SLC39A11: variants seen among roughly 807,000 people sequenced by gnomAD.
The protein encoded by SLC39A11 is solute carrier family 39 member 11.
Under a neutral mutation model 36.1 loss-of-function variants are expected in SLC39A11, and 33 were observed. The ratio of observed to expected loss-of-function variants is 0.91; its 90% CI spans 0.69 to 1.22. The LOEUF is 1.22. Among genes scored for constraint, SLC39A11 ranks in the 50% most tolerant of loss-of-function variants. SLC39A11 has a pLI of 0.00. For synonymous variants in SLC39A11, 166 were observed against 170.3 expected (o/e 0.97, Z 0.20); for missense variants, 432 against 430.3 (o/e 1.00, Z -0.03).
At chr17:72,812,328 C>T (rs1226344695) in intron 6 of SLC39A11, among the ~76,000 whole-genome samples, 1 of 152,058 alleles carries the variant, frequency 6.6e-6, no homozygotes, top group Admixed American at 6.6e-5. Context: ...ACTGCTGTAT[C>T]CTAGACATTT....
rs949522465 is a variant in SLC39A11, at chr17:72,923,660, C to T, written c.430+24092G>A. On this transcript the variant is annotated intron_variant, in intron 5 of 9. Transcript: ENST00000255559. ...AATGTGTAGCTTTAGGTGACAAGGT[C>T]GCAAAACAGAACATTGCTAGGGGGA... Among the ~76,000 whole-genome samples the T allele has an allele frequency of 3.3e-5, 5 of 152,132 alleles. No individual in the cohort carries two copies. In the South Asian group the frequency reaches 6.2e-4, roughly 19 times the overall value.
intron 3 of SLC39A11, among the ~76,000 whole-genome samples, chr17:73,048,819 A>C (rs987042013): frequency 3.9e-5 from 6 of 152,196 alleles, no homozygotes; most frequent in Admixed American, 3.3e-4. Context: ...GCAGCCAATG[A>C]CTTGAGAAAA....
chr17:72,815,006 T>C (rs1489979590), intron 6 of SLC39A11, among the ~76,000 whole-genome samples: 1 of 151,654 alleles, frequency 6.6e-6, no homozygotes, highest in African/African-American at 2.4e-5. Flanking sequence ...GGGTAGGGGG[T>C]AAAAAACTAA....
chr17:72,828,974 G>A (rs553871334), intron 6 of SLC39A11, among the ~76,000 whole-genome samples: 7 of 152,262 alleles, frequency 4.6e-5, no homozygotes, highest in Non-Finnish European at 7.4e-5. Context: ...GAAGACTGGC[G>A]TGAAAGCACA....
rs190935812 is a variant in SLC39A11, at chr17:72,948,949, T to C, written c.307-1074A>G. Among the ~76,000 whole-genome samples, 744 of 151,942 alleles carry C rather than the reference T, an allele frequency of 4.9e-3. 18 individuals carry two copies. The highest frequency in any genetic ancestry group is 1.2e-3 in the East Asian group (6 of 5,148). On this transcript the variant is annotated intron_variant, in intron 4 of 9. Transcript: ENST00000255559. ...ACTGACCACTTACAAATGCACAGGA[T>C]CTCAACAGGAACAACAAGGCAGAGG...
intron 5 of SLC39A11, among the ~76,000 whole-genome samples, chr17:72,867,007 T>C (rs1396706603): frequency 6.6e-6 from 1 of 152,184 alleles, no homozygotes; most frequent in African/African-American, 2.4e-5. Flanking sequence ...GAAGCAACCA[T>C]TGATTGTAAA....
At chr17:73,071,023 A>G (rs1276534023) in intron 3 of SLC39A11, among the ~76,000 whole-genome samples, 3 of 152,112 alleles carry the variant, frequency 2.0e-5, no homozygotes, top group Non-Finnish European at 4.4e-5. Flanking sequence ...AACCTCAGAG[A>G]TTCTGGGGTA....
intron 1 of SLC39A11, among the ~76,000 whole-genome samples, chr17:73,090,637 T>C (rs1289970638): frequency 1.3e-5 from 2 of 152,164 alleles, no homozygotes; most frequent in South Asian, 2.1e-4. Flanking sequence ...CACCTTTCTT[T>C]CCTGTATTTG....
At chr17:72,736,795 A>G in intron 6 of SLC39A11, 76 bp from the exon 7 acceptor site, 1 of 1,175,206 alleles carries the variant, frequency 8.5e-7, no homozygotes, top group Non-Finnish European at 1.3e-6. Context: ...CTGTCACTGC[A>G]TTAAGTAGGA....
chr17:72,823,972 C>A (rs2077907298), intron 6 of SLC39A11: 1 of 151,112 alleles, frequency 6.6e-6, no homozygotes, highest in African/African-American at 2.4e-5. Flanking sequence ...AGAAAAACAC[C>A]AAGTCTCCAT....
At chr17:72,815,042 G>T (rs768674788) in intron 6 of SLC39A11, among the ~76,000 whole-genome samples, 1 of 152,212 alleles carries the variant, frequency 6.6e-6, no homozygotes, top group African/African-American at 2.4e-5. Flanking sequence ...CCCACATCTT[G>T]TCCACTGCAG....
At chr17:72,949,144 C>CTTGTTTTTTTTTTTTTTTTTTT (rs2085661941) in intron 4 of SLC39A11, among the ~76,000 whole-genome samples, 1 of 36,474 alleles carries the variant, frequency 2.7e-5, no homozygotes, top group Non-Finnish European at 5.4e-5. Context: ...CACTGGGCAG[C>CTTGTTTTTTTTTTTTTTTTTTT]TTTTTTTTTT....
At chr17:72,882,501 T>C (rs1487465899) in intron 5 of SLC39A11, among the ~76,000 whole-genome samples, 2 of 152,216 alleles carry the variant, frequency 1.3e-5, no homozygotes, top group African/African-American at 4.8e-5. Context: ...ACTCAGCAAC[T>C]ATCACAGAAC....
chr17:72,714,824 G>A (rs915639409), intron 7 of SLC39A11, among the ~76,000 whole-genome samples: 5 of 152,200 alleles, frequency 3.3e-5, no homozygotes, highest in African/African-American at 1.2e-4. Context: ...TCAGATCTGG[G>A]TTCATGGAGT....
chr17:72,987,276 G>A (rs1286354624), intron 4 of SLC39A11, among the ~76,000 whole-genome samples: 1 of 152,186 alleles, frequency 6.6e-6, no homozygotes, highest in Non-Finnish European at 1.5e-5. Context: ...GCAGAACTGA[G>A]AGCCAAATAA....
intron 4 of SLC39A11, among the ~76,000 whole-genome samples, chr17:72,975,457 T>A (rs1461966456): frequency 1.3e-5 from 2 of 152,026 alleles, no homozygotes; most frequent in Non-Finnish European, 2.9e-5. Flanking sequence ...TAAAATAAAT[T>A]AAATAAATTT....
chr17:72,947,910 A>G (rs1175223913), intron 4 of SLC39A11, 35 bp from the exon 5 acceptor site: 1 of 1,609,348 alleles, frequency 6.2e-7, no homozygotes, highest in Non-Finnish European at 8.5e-7. Context: ...CTAGAGCACC[A>G]CTACTGTGTT....
chr17:72,738,710 C>A (rs2074540406), intron 6 of SLC39A11, among the ~76,000 whole-genome samples: 1 of 152,208 alleles, frequency 6.6e-6, no homozygotes, highest in South Asian at 2.1e-4. Flanking sequence ...TGTTCAGGAG[C>A]AAGGCCAAGG....
intron 7 of SLC39A11, among the ~76,000 whole-genome samples, chr17:72,702,049 T>C (rs1281902676): frequency 2.2e-5 from 1 of 46,364 alleles, no homozygotes; most frequent in African/African-American, 6.4e-5. Flanking sequence ...GAGGCTGCAG[T>C]GAGCTGTGAT....
Sources: allele counts gnomAD v4.1 joint callset (sites outside exome capture counted in the v4.1 genomes callset), GRCh38; gene constraint gnomAD v4.1.1; transcripts MANE v1.5; gene names NCBI Gene and HGNC (gene_info 2026-07-23, HGNC 2026-07-21).